Variants in SEMA6A observed in about 807,000 individuals in gnomAD.
SEMA6A encodes the protein semaphorin 6A, also known as semaphorin-6A.
A neutral mutation model predicts 96.8 loss-of-function variants in SEMA6A; 25 were observed. The observed-to-expected ratio is 0.26, with a 90% CI of 0.19 to 0.36. The LOEUF (loss-of-function observed/expected upper bound fraction) is 0.36, where lower values mean the gene tolerates loss of function less well. Ranked by LOEUF, SEMA6A falls within the 10% of genes least tolerant of loss-of-function variation. The pLI, the probability that SEMA6A is intolerant of heterozygous loss-of-function variation, is 1.00. For missense variants in SEMA6A, 1,363 were observed against 1,323.1 expected (o/e 1.03, Z -0.47); for synonymous variants, 612 against 518.0 (o/e 1.18, Z -2.46).
chr5:116,491,740 C>G lies in SEMA6A; in HGVS notation c.535G>C (p.Asp179His), dbSNP rs776183702. 8 of 1,612,606 alleles carry G rather than the reference C, an allele frequency of 5.0e-6. No homozygotes were observed. In the South Asian group the frequency reaches 7.7e-5, roughly 15 times the overall value. The change falls in exon 7 of 19, where the codon GAT (aspartate) becomes CAT (histidine). Residue 179 changes from aspartate (D) to histidine (H), a missense_variant and splice_region_variant. Asp to His is a moderately conservative substitution (Grantham distance 81). Transcript: ENST00000343348. ...AACGAGGAGAAATCAGGTCGCTTAC[C>G]TGCAAACAGTGCAACGTTGGCATGT... ...AKHANVALFADGKLYSATVTD... is the reference protein window; with the variant it reads ...AKHANVALFAHGKLYSATVTD...
At chr5:116,495,873 G>A (rs1757574841) in intron 5 of SEMA6A, 1 of 334,240 alleles carries the variant, frequency 3.0e-6, no homozygotes, top group Admixed American at 4.7e-5. Flanking sequence ...GTTGTTATAT[G>A]ACCACAGGCA....
intron 3 of SEMA6A, among the ~76,000 whole-genome samples, chr5:116,497,698 T>C (rs1757667716): frequency 1.3e-5 from 2 of 152,204 alleles, no homozygotes; most frequent in Non-Finnish European, 2.9e-5. Context: ...GAAAGTTAAA[T>C]TGGCCCAAAG....
chr5:116,539,242 C>T (rs1759858604), intron 1 of SEMA6A, among the ~76,000 whole-genome samples: 1 of 152,144 alleles, frequency 6.6e-6, no homozygotes, highest in Non-Finnish European at 1.5e-5. Flanking sequence ...GTCCTGCTTC[C>T]TAAAGTTGGA....
chr5:116,477,884 C>A lies in SEMA6A; in HGVS notation c.1611G>T (p.Lys537Asn), dbSNP rs1756539949. The A allele has an allele frequency of 6.2e-7, 1 of 1,613,978 alleles. No individual in the cohort carries two copies. Residue 537 changes from lysine (K) to asparagine (N), a missense_variant, in exon 15 of 19, where the codon AAG (lysine) becomes AAT (asparagine). Physicochemically the swap from Lys to Asn is moderately conservative, Grantham distance 94. Around this residue, in one of 2 missense-constraint regions of SEMA6A, gnomAD observed 883 missense variants for 763.6 expected, o/e 1.16. Transcript: ENST00000343348. ...ASRDPYCGWI[K>N]EGGACSHLSP... is the part of the protein sequence containing the mutation. ...ATAAATGGCTGCAGGCACCACCTTC[C>A]TTTATCCATCCACAATATGGGTCTC...
At chr5:116,522,490 G>A (rs1333686859) in intron 1 of SEMA6A, among the ~76,000 whole-genome samples, 2 of 152,140 alleles carry the variant, frequency 1.3e-5, no homozygotes, top group South Asian at 2.1e-4. Flanking sequence ...AATTCTAGTC[G>A]ATCTGTGATG....
chr5:116,473,104 A>G lies in SEMA6A; in HGVS notation c.1709-11T>C. 1 of 1,591,598 alleles carries G rather than the reference A, an allele frequency of 6.3e-7. No individual in the cohort carries two copies. On this transcript the variant is annotated splice_polypyrimidine_tract_variant and intron_variant, in intron 16 of 18. Coordinates refer to ENST00000343348, the MANE Select transcript of SEMA6A (RefSeq NM_020796.5). ...GTGCCACAAAGGAATCTGAAAGACAAAAGGGAGGAGAAGGTTACTTAATGT... is the reference window on the plus strand; with the variant it reads ...GTGCCACAAAGGAATCTGAAAGACAGAAGGGAGGAGAAGGTTACTTAATGT...
At chr5:116,541,347 TA>T (rs1018457210) in intron 1 of SEMA6A, among the ~76,000 whole-genome samples, 15 of 152,050 alleles carry the variant, frequency 9.9e-5, no homozygotes, top group African/African-American at 3.1e-4. Flanking sequence ...AATTCTTATT[TA>T]TTTTTTTCAT....
In SEMA6A at chr5:116,487,096, A is replaced by C. The variant is rs1452235293; in HGVS notation, c.745-130T>G. On this transcript the variant is annotated intron_variant, in intron 9 of 18. Transcript: ENST00000343348. ...TAATACTGTTTCTAAAATCAGTAAC[A>C]AAAAAAAAAAAGAAAGAAAAGAAAA... is the stretch of plus-strand genomic sequence containing the variant. 1.5e-5 allele frequency: 3 copies of C among 197,856 alleles called. No individual in the cohort carries two copies. In the African/African-American group the frequency reaches 2.2e-4, roughly 15 times the overall value. The allele number at this position is 197,856 out of a possible 1,614,324, so 12.3% of individuals were successfully genotyped here. A position where few individuals can be genotyped will look rare whatever the true frequency, so the allele number is the denominator to read the frequency against.
intron 18 of SEMA6A, among the ~76,000 whole-genome samples, chr5:116,457,181 C>T (rs924239857): frequency 2.6e-5 from 4 of 152,102 alleles, no homozygotes; most frequent in Admixed American, 1.3e-4. Context: ...TCATGGAGTG[C>T]GAGACCCATC....
chr5:116,487,996 C>G (rs1046304677), intron 9 of SEMA6A, 112 bp downstream of exon 9: 1 of 652,472 alleles, frequency 1.5e-6, no homozygotes, highest in Non-Finnish European at 2.6e-6. Context: ...AGACCGCACT[C>G]TGTTATTAGA....
At chr5:116,465,405 T>A (rs1338734544) in intron 18 of SEMA6A, among the ~76,000 whole-genome samples, 1 of 152,228 alleles carries the variant, frequency 6.6e-6, no homozygotes, top group Non-Finnish European at 1.5e-5. Context: ...AACATTAAGC[T>A]ACATCTTTTC....
rs751600344 is a variant in SEMA6A at position 116,446,669 on chromosome 5, TG to T, written c.3036del (p.Lys1013AsnfsTer11). On this transcript the variant is annotated frameshift_variant, in exon 19 of 19. Transcript: ENST00000343348. LOFTEE classifies it high-confidence loss of function. ...GTGGAAAGGGGAGCAAAGGATGGTTTGGGGGGTACGTCCGGCTTTAGCGAGG... is the reference window on the plus strand; with the variant it reads ...GTGGAAAGGGGAGCAAAGGATGGTTTGGGGGTACGTCCGGCTTTAGCGAGG... ...RTPSLKPDVP[P>X]KPSFAPLSTS... 8.4e-6 allele frequency: 13 copies of T among 1,552,718 alleles called. No individual in the cohort carries two copies. The South Asian group carries it at 1.2e-4, about 15-fold the overall frequency.
chr5:116,498,592 G>C (rs1035970027), intron 3 of SEMA6A: 18 of 146,878 alleles, frequency 1.2e-4, no homozygotes, highest in Admixed American at 1.4e-4. Context: ...GAAGGGGGTG[G>C]AAGGGCGTGG....
intron 18 of SEMA6A, among the ~76,000 whole-genome samples, chr5:116,462,399 G>C (rs1293081910): frequency 1.3e-5 from 2 of 152,132 alleles, no homozygotes; most frequent in African/African-American, 2.4e-5. Context: ...CAAAATAGAT[G>C]AAAAGTGGAA....
intron 1 of SEMA6A, among the ~76,000 whole-genome samples, chr5:116,559,790 C>T (rs1156729946): frequency 1.3e-5 from 2 of 152,210 alleles, no homozygotes; most frequent in African/African-American, 4.8e-5. Context: ...CCCTCCCTTA[C>T]CCCACACATC....
At chr5:116,562,058 T>G (rs962351765) in intron 1 of SEMA6A, among the ~76,000 whole-genome samples, 1 of 152,214 alleles carries the variant, frequency 6.6e-6, no homozygotes, top group Admixed American at 6.5e-5. Flanking sequence ...CATCTCCTCC[T>G]TGGACAAAGG....
Position 116,486,802 on chromosome 5 carries a change from A to G in SEMA6A, c.909T>C (p.Ile303=). 6.2e-7 allele frequency: 1 copy of G among 1,613,882 alleles called. No individual in the cohort carries two copies. Among genetic ancestry groups the G allele is most frequent in the Non-Finnish European group, 8.5e-7 (1 of 1,179,814 alleles). Residue 303 remains isoleucine (I), a synonymous_variant, in exon 10 of 19, where the codon ATT becomes ATC. Transcript: ENST00000343348. ...GGACAACATCACGCCCGTTGATACG[A>G]ATCACATCTGTAACTGCCTGGAGAA... The part of the protein sequence containing the change: ...FNILQAVTDV[I]RINGRDVVLA...
intron 6 of SEMA6A, 86 bp from the exon 7 acceptor site, chr5:116,491,916 G>T: frequency 9.2e-7 from 1 of 1,092,290 alleles, no homozygotes; most frequent in Non-Finnish European, 1.4e-6. Flanking sequence ...GATGTGACAG[G>T]CCTTTTGTAA....
chr5:116,502,650 C>T, intron 2 of SEMA6A: 1 of 240,784 alleles, frequency 4.2e-6, no homozygotes, highest in Non-Finnish European at 8.1e-6. Flanking sequence ...TTTTCTTCCA[C>T]AGTTTTCTTT....
Sources: allele counts gnomAD v4.1 joint callset (sites outside exome capture counted in the v4.1 genomes callset), GRCh38; gene constraint gnomAD v4.1.1; regional missense constraint gnomAD v4.1.1; transcripts MANE v1.5; gene names NCBI Gene and HGNC (gene_info 2026-07-23, HGNC 2026-07-21).